Variants in BAIAP2L1 observed in about 807,000 individuals in gnomAD.
BAIAP2L1 encodes the protein BAR/IMD domain-containing adapter protein 2-like 1.
A neutral mutation model predicts 66.3 loss-of-function variants in BAIAP2L1; 35 were observed. That is an observed-to-expected ratio of 0.53 (90% CI 0.40 to 0.70). The LOEUF is 0.70. Among genes scored for constraint, BAIAP2L1 ranks in the 30% least tolerant of loss-of-function variants. The pLI is 0.00. For synonymous variants in BAIAP2L1, 269 were observed against 248.7 expected, an observed-to-expected ratio of 1.08 and a Z score of -0.77; for missense variants, 622 against 656.9, an observed-to-expected ratio of 0.95 and a Z score of 0.58.
chr7:98,291,881 C>T lies in BAIAP2L1; in HGVS notation c.*1640G>A, dbSNP rs1300013995. ...AGAACGCCAAAGGCCAGGTGTCACC[C>T]ACACCCCAGCAGTTCCCCTTAGCGC... On this transcript the variant is annotated 3_prime_UTR_variant, in exon 14 of 14. Coordinates refer to ENST00000005260, the MANE Select transcript of BAIAP2L1 (RefSeq NM_018842.5). 6.5e-6 allele frequency: 1 copy of T among 153,120 alleles called. No individual in the cohort carries two copies. The highest frequency in any genetic ancestry group is 1.5e-5 in the Non-Finnish European group (1 of 68,758). The allele number at this position is 153,120 out of a possible 1,614,324, so 9.5% of individuals were successfully genotyped here.
chr7:98,381,708 T>A (rs1802763335), intron 1 of BAIAP2L1, among the ~76,000 whole-genome samples: 1 of 152,150 alleles, frequency 6.6e-6, no homozygotes, highest in South Asian at 2.1e-4. Flanking sequence ...AGAGACAGAT[T>A]TCTGTGACAA....
chr7:98,359,091 G>A (rs950267460), intron 2 of BAIAP2L1, among the ~76,000 whole-genome samples: 3 of 152,154 alleles, frequency 2.0e-5, no homozygotes, highest in Admixed American at 6.5e-5. Context: ...AGCCCCACAC[G>A]GGCCGCAGAA....
Position 98,307,687 on chromosome 7 carries a change from ACG to A in BAIAP2L1, c.1163_1163+1del. On this transcript the variant is annotated splice_donor_variant and coding_sequence_variant, in exon 10 of 14. Coordinates refer to ENST00000005260, the MANE Select transcript of BAIAP2L1 (RefSeq NM_018842.5). LOFTEE classifies it high-confidence loss of function. ...TGCGGGGACCATCACGCCCAGACTT[ACG>A]CCTTGGACACGTCGTGTTCTCCATA... 1 of 1,613,790 alleles carries A rather than the reference ACG, an allele frequency of 6.2e-7. No homozygotes were observed. Among genetic ancestry groups the A allele is most frequent in the Non-Finnish European group, 8.5e-7 (1 of 1,180,044 alleles).
In BAIAP2L1 at chr7:98,361,707, G is replaced by GT. The variant is rs1282502359; in HGVS notation, c.127+649dup. 2.0e-5 allele frequency among the ~76,000 whole-genome samples: 3 copies of GT among 152,178 alleles called. No individual in the cohort carries two copies. In the South Asian group the frequency reaches 6.2e-4, roughly 32 times the overall value. On this transcript the variant is annotated intron_variant, in intron 2 of 13. Transcript: ENST00000005260. Reference sequence around the variant, plus strand: ...CTAAGTCCAACTGTTTAATTTAGATGTTTTTCCATTCAGGCTAAAAAAAAT... The same window carrying GT: ...CTAAGTCCAACTGTTTAATTTAGATGTTTTTTCCATTCAGGCTAAAAAAAAT...
rs532788312 is a variant in BAIAP2L1 at position 98,292,404 on chromosome 7, C to T, written c.*1117G>A. On this transcript the variant is annotated 3_prime_UTR_variant, in exon 14 of 14. Coordinates refer to ENST00000005260, the MANE Select transcript of BAIAP2L1 (RefSeq NM_018842.5). ...TTGTATTTTTAGTAGAGACTCCTGA[C>T]CTCAGGTGATCCCCCTGCCTCGGCC... The T allele has an allele frequency of 3.8e-4, 207 of 545,832 alleles. No individual in the cohort carries two copies. The highest frequency in any genetic ancestry group is 3.7e-4 in the Non-Finnish European group (112 of 305,210). The allele number at this position is 545,832 out of a possible 1,614,324, so 33.8% of individuals were successfully genotyped here.
intron 1 of BAIAP2L1, 60 bp from the exon 2 acceptor site, chr7:98,362,492 G>C: frequency 6.8e-7 from 1 of 1,460,182 alleles, no homozygotes; most frequent in Non-Finnish European, 9.5e-7. Flanking sequence ...GTCATCTTCA[G>C]ATTTTGTCAC....
intron 3 of BAIAP2L1, among the ~76,000 whole-genome samples, chr7:98,322,052 C>T (rs996155472): frequency 1.2e-4 from 19 of 152,076 alleles, no homozygotes; most frequent in African/African-American, 3.6e-4. Flanking sequence ...GCCGAGATAG[C>T]GCCACTGCAC....
Position 98,401,037 on chromosome 7 carries a change from G to C in BAIAP2L1, c.-185C>G, listed in dbSNP as rs62478235. On this transcript the variant is annotated 5_prime_UTR_variant, in exon 1 of 14. Transcript: ENST00000005260. ...CGAAAATGTCAAAACTTGCGGCAGC[G>C]CCGCCCTGGCCTTCTTCGAGGAGCA... The C allele has an allele frequency of 0.25, 109,054 of 442,526 alleles. 14,567 individuals carry two copies. The highest frequency in any genetic ancestry group is 0.46 in the East Asian group (11,277 of 24,298). The allele number at this position is 442,526 out of a possible 1,614,324, so 27.4% of individuals were successfully genotyped here.
intron 1 of BAIAP2L1, among the ~76,000 whole-genome samples, chr7:98,368,872 G>A (rs896670775): frequency 6.0e-5 from 9 of 149,210 alleles, no homozygotes; most frequent in Non-Finnish European, 3.0e-5. Context: ...CCACATACTT[G>A]TTGAAGACCT....
intron 8 of BAIAP2L1, 135 bp downstream of exon 8, chr7:98,311,961 AG>A: frequency 1.2e-6 from 1 of 845,246 alleles, no homozygotes; most frequent in Non-Finnish European, 1.8e-6. Flanking sequence ...CCTAAAGGTA[AG>A]GGGATAGAGG....
intron 1 of BAIAP2L1, among the ~76,000 whole-genome samples, chr7:98,370,537 C>A (rs547142960): frequency 1.3e-5 from 2 of 151,998 alleles, no homozygotes; most frequent in East Asian, 3.9e-4. Flanking sequence ...CAGAGTCTCG[C>A]ACTGTCGCCC....
intron 3 of BAIAP2L1, among the ~76,000 whole-genome samples, chr7:98,350,157 A>G (rs1016705170): frequency 6.6e-6 from 1 of 152,118 alleles, no homozygotes; most frequent in Non-Finnish European, 1.5e-5. Flanking sequence ...CAAGGCTAGA[A>G]AGAAAGACAA....
At chr7:98,394,763 C>T (rs578129414) in intron 1 of BAIAP2L1, among the ~76,000 whole-genome samples, 27 of 152,336 alleles carry the variant, frequency 1.8e-4, no homozygotes, top group Non-Finnish European at 2.5e-4. Context: ...CTATGGCCAT[C>T]AGACGTGAGC....
intron 8 of BAIAP2L1, among the ~76,000 whole-genome samples, 172 bp from the exon 9 acceptor site, chr7:98,310,764 G>A (rs1800840502): frequency 2.6e-5 from 4 of 151,996 alleles, no homozygotes; most frequent in Non-Finnish European, 5.9e-5. Flanking sequence ...TCAGCTCACT[G>A]CAACCTCCGC....
At chr7:98,332,819 A>AAAG (rs1157016000) in intron 3 of BAIAP2L1, among the ~76,000 whole-genome samples, 65 of 151,068 alleles carry the variant, frequency 4.3e-4, no homozygotes, top group South Asian at 2.3e-3. Context: ...CAAAAAAAAA[A>AAAG]AAAAAAAAAA....
intron 7 of BAIAP2L1, among the ~76,000 whole-genome samples, chr7:98,313,944 T>G (rs1380950589): frequency 1.3e-5 from 2 of 150,870 alleles, no homozygotes; most frequent in African/African-American, 4.9e-5. Flanking sequence ...GTACTAATTT[T>G]AAATCTTATT....
At position 98,395,882 on chromosome 7, in the gene BAIAP2L1, T is replaced by C. The variant is rs988882721; in HGVS notation, c.51+4920A>G. ...ACCATCTCTACCAAAAATAAAAAAT[T>C]AGCCGGGCATGGCGGTGCATGTGGT... is the stretch of plus-strand genomic sequence containing the variant. On this transcript the variant is annotated intron_variant, in intron 1 of 13. Coordinates refer to ENST00000005260, the MANE Select transcript of BAIAP2L1 (RefSeq NM_018842.5). Among the ~76,000 whole-genome samples, 3 of 152,060 alleles carry C rather than the reference T, an allele frequency of 2.0e-5. No individual in the cohort carries two copies. The East Asian group carries it at 5.8e-4, about 29-fold the overall frequency.
At chr7:98,323,187 C>G (rs1261245231) in intron 3 of BAIAP2L1, 3 of 152,166 alleles carry the variant, frequency 2.0e-5, no homozygotes, top group African/African-American at 7.2e-5. Context: ...GAATTCTTCA[C>G]AAAAGCTGCC....
chr7:98,365,878 C>T (rs1353411918), intron 1 of BAIAP2L1, among the ~76,000 whole-genome samples: 1 of 152,130 alleles, frequency 6.6e-6, no homozygotes, highest in Non-Finnish European at 1.5e-5. Flanking sequence ...TTCTAGTTCC[C>T]GTATCATCTC....
Sources: gnomAD v4.1 joint callset for allele counts (sites outside exome capture counted in the v4.1 genomes callset) on GRCh38, gnomAD v4.1.1 for gene constraint, MANE v1.5 for transcripts, NCBI Gene and HGNC (gene_info 2026-07-23, HGNC 2026-07-21) for gene names.